ENOX1: variants seen among roughly 807,000 people sequenced by gnomAD.
ENOX1 encodes the protein candidate growth-related and time keeping constitutive hydroquinone (NADH) oxidase.
Under a neutral mutation model 82.5 loss-of-function variants are expected in ENOX1, and 42 were observed. That is an observed-to-expected ratio of 0.51 (90% CI 0.40 to 0.66). The LOEUF is 0.66. ENOX1 is among the 30% of genes least tolerant of loss of function. The pLI is 0.00. For missense variants in ENOX1, 608 were observed against 811.6 expected (o/e 0.75, Z 3.05); for synonymous variants, 271 against 282.2 (o/e 0.96, Z 0.40).
rs569507648 is a variant in ENOX1, at chr13:43,416,896, G to A, written c.-74-3908C>T. Reference sequence around the variant, plus strand: ...GGAGGTTGTAGCAAGCCGAGATCACGCCACTGCACTCCAGCCTGGGCAACA... The same window carrying A: ...GGAGGTTGTAGCAAGCCGAGATCACACCACTGCACTCCAGCCTGGGCAACA... On this transcript the variant is annotated intron_variant, in intron 3 of 16. Coordinates refer to ENST00000690772, the MANE Select transcript of ENOX1 (RefSeq NM_001347969.2). Among the ~76,000 whole-genome samples the A allele has an allele frequency of 4.5e-4, 68 of 152,306 alleles. No individual in the cohort carries two copies. The East Asian group carries it at 0.013, about 28-fold the overall frequency.
At chr13:43,659,004 T>A (rs941234459) in intron 2 of ENOX1, among the ~76,000 whole-genome samples, 2 of 152,120 alleles carry the variant, frequency 1.3e-5, no homozygotes, top group African/African-American at 4.8e-5. Flanking sequence ...TGGTGTACTA[T>A]TTTTGGATGT....
At chr13:43,336,837 C>T (rs2048742782) in intron 9 of ENOX1, among the ~76,000 whole-genome samples, 1 of 152,124 alleles carries the variant, frequency 6.6e-6, no homozygotes, top group Non-Finnish European at 1.5e-5. Flanking sequence ...AAAGACTTTC[C>T]CAAAGTCACA....
intron 11 of ENOX1, 100 bp downstream of exon 11, chr13:43,322,284 T>A (rs2047854051): frequency 1.2e-6 from 1 of 847,574 alleles, no homozygotes; most frequent in Admixed American, 2.3e-5. Context: ...TTAGTATAAT[T>A]CAAATAAAAG....
At chr13:43,246,216 GAAT>G (rs2043074264) in intron 14 of ENOX1, among the ~76,000 whole-genome samples, 3 of 152,200 alleles carry the variant, frequency 2.0e-5, no homozygotes, top group East Asian at 1.9e-4. Context: ...AGAAAATGAA[GAAT>G]AATGAGGCTA....
intron 3 of ENOX1, among the ~76,000 whole-genome samples, chr13:43,440,433 A>G (rs1243307766): frequency 6.6e-6 from 1 of 152,214 alleles, no homozygotes; most frequent in African/African-American, 2.4e-5. Flanking sequence ...ACATTTGCTG[A>G]CACTGCTTAC....
At chr13:43,549,071 A>G (rs2079083603) in intron 2 of ENOX1, among the ~76,000 whole-genome samples, 1 of 152,196 alleles carries the variant, frequency 6.6e-6, no homozygotes, top group South Asian at 2.1e-4. Flanking sequence ...CTTTCTGTCC[A>G]TATGTTTGTC....
intron 14 of ENOX1, among the ~76,000 whole-genome samples, chr13:43,264,272 C>T (rs1219522868): frequency 2.6e-5 from 4 of 152,216 alleles, no homozygotes; most frequent in African/African-American, 9.6e-5. Flanking sequence ...TTTCAAACTA[C>T]ATCACATCAT....
At chr13:43,646,616 G>A (rs889608840) in intron 2 of ENOX1, among the ~76,000 whole-genome samples, 3 of 152,066 alleles carry the variant, frequency 2.0e-5, no homozygotes, top group African/African-American at 4.8e-5. Context: ...CTTCTCATGC[G>A]CTGATTGATT....
At chr13:43,351,676 G>C (rs2049814591) in intron 8 of ENOX1, among the ~76,000 whole-genome samples, 1 of 147,278 alleles carries the variant, frequency 6.8e-6, no homozygotes, top group African/African-American at 2.5e-5. Context: ...AATATGCGGT[G>C]TTTGCTTTTT....
At chr13:43,712,859 C>T (rs996194779) in intron 1 of ENOX1, among the ~76,000 whole-genome samples, 1 of 151,328 alleles carries the variant, frequency 6.6e-6, no homozygotes, top group Non-Finnish European at 1.5e-5. Flanking sequence ...CATCTGCAAA[C>T]AGGGACAATT....
intron 7 of ENOX1, among the ~76,000 whole-genome samples, chr13:43,357,725 C>T (rs1212042541): frequency 1.3e-5 from 2 of 152,150 alleles, no homozygotes; most frequent in East Asian, 3.8e-4. Flanking sequence ...CTCACTTTCA[C>T]AGAAACATCA....
At chr13:43,654,450 T>C (rs191445631) in intron 2 of ENOX1, among the ~76,000 whole-genome samples, 8 of 152,328 alleles carry the variant, frequency 5.3e-5, no homozygotes, top group Admixed American at 3.9e-4. Context: ...AATGTATAGA[T>C]AGACAGATTC....
chr13:43,319,015 G>C (rs2047666588), intron 11 of ENOX1, among the ~76,000 whole-genome samples: 1 of 152,114 alleles, frequency 6.6e-6, no homozygotes, highest in Non-Finnish European at 1.5e-5. Context: ...GGGAGAAGGA[G>C]AGAGGGAGAG....
intron 2 of ENOX1, among the ~76,000 whole-genome samples, chr13:43,556,559 A>C (rs1260861276): frequency 6.6e-6 from 1 of 152,214 alleles, no homozygotes; most frequent in African/African-American, 2.4e-5. Flanking sequence ...ATAGGTCATA[A>C]CTGGCAAATC....
At chr13:43,451,986 G>A (rs1231901614) in intron 3 of ENOX1, among the ~76,000 whole-genome samples, 6 of 152,188 alleles carry the variant, frequency 3.9e-5, no homozygotes, top group South Asian at 4.1e-4. Context: ...GAATTCAGTG[G>A]TTAAGGAAGG....
chr13:43,426,421 A>G (rs543239231), intron 3 of ENOX1, among the ~76,000 whole-genome samples: 2 of 152,202 alleles, frequency 1.3e-5, no homozygotes, highest in Non-Finnish European at 2.9e-5. Flanking sequence ...TACTATTTTC[A>G]CAGCTAGATG....
rs529559862 is a variant in ENOX1, at chr13:43,709,809, T to G, written c.-284-42265A>C. Among the ~76,000 whole-genome samples the G allele has an allele frequency of 2.0e-5, 3 of 152,240 alleles. No homozygotes were observed. The East Asian group carries it at 5.8e-4, about 29-fold the overall frequency. ...TGAAAATATTAAGCATCAAAATTGT[T>G]TGAGATAAAATAGAAATCTTGGATA... On this transcript the variant is annotated intron_variant, in intron 1 of 16. Coordinates refer to ENST00000690772, the MANE Select transcript of ENOX1 (RefSeq NM_001347969.2).
chr13:43,696,776 C>A, intron 1 of ENOX1, among the ~76,000 whole-genome samples: 1 of 144,226 alleles, frequency 6.9e-6, no homozygotes, highest in African/African-American at 2.5e-5. Flanking sequence ...TGACAGGACA[C>A]ATTTTTGAGA....
At chr13:43,582,013 A>G (rs1380973098) in intron 2 of ENOX1, among the ~76,000 whole-genome samples, 2 of 152,218 alleles carry the variant, frequency 1.3e-5, no homozygotes, top group Admixed American at 1.3e-4. Flanking sequence ...TTCTTTTCCA[A>G]TATCTACAAA....
Sources: allele counts gnomAD v4.1 joint callset (sites outside exome capture counted in the v4.1 genomes callset), GRCh38; gene constraint gnomAD v4.1.1; transcripts MANE v1.5; gene names NCBI Gene and HGNC (gene_info 2026-07-23, HGNC 2026-07-21).